SUGCT: variants seen among roughly 807,000 people sequenced by gnomAD.
The protein encoded by SUGCT is succinyl-CoA:glutarate-CoA transferase, also known as succinyl-CoA:glutarate CoA-transferase.
A neutral mutation model predicts 55.0 loss-of-function variants in SUGCT; 41 were observed. The observed-to-expected ratio is 0.74, with a 90% CI of 0.58 to 0.97. The LOEUF (loss-of-function observed/expected upper bound fraction) is 0.97. SUGCT is among the 50% of genes least tolerant of loss of function. The probability of loss-of-function intolerance (pLI) is 0.00; values close to 1 mark genes in which losing one functional copy is unlikely to be tolerated. For synonymous variants in SUGCT, 187 were observed against 200.4 expected (o/e 0.93, Z 0.56); for missense variants, 568 against 547.8 (o/e 1.04, Z -0.37).
chr7:40,655,519 T>G (rs1363774394), intron 12 of SUGCT, among the ~76,000 whole-genome samples: 3 of 152,196 alleles, frequency 2.0e-5, no homozygotes, highest in Admixed American at 6.5e-5. Context: ...AAGTTTTACT[T>G]TGCAAACTTG....
intron 12 of SUGCT, among the ~76,000 whole-genome samples, chr7:40,712,296 C>T (rs893546772): frequency 6.6e-6 from 1 of 152,218 alleles, no homozygotes; most frequent in African/African-American, 2.4e-5. Context: ...AAAAATATAA[C>T]CTACCTCCTC....
intron 8 of SUGCT, among the ~76,000 whole-genome samples, chr7:40,308,641 CTCTT>C: frequency 6.6e-6 from 1 of 152,130 alleles, no homozygotes; most frequent in East Asian, 1.9e-4. Context: ...TCCAATGGCT[CTCTT>C]TCTGTTCTTC....
intron 12 of SUGCT, among the ~76,000 whole-genome samples, chr7:40,664,804 C>A (rs1029644733): frequency 2.0e-4 from 30 of 151,782 alleles, no homozygotes; most frequent in African/African-American, 7.2e-4. Flanking sequence ...CACGGTGAAA[C>A]CCCGTCTCTA....
chr7:40,719,443 T>C (rs752787159), intron 12 of SUGCT, among the ~76,000 whole-genome samples: 1 of 152,176 alleles, frequency 6.6e-6, no homozygotes. Context: ...TGTTCCCACA[T>C]TGGATTCTTT....
intron 13 of SUGCT, among the ~76,000 whole-genome samples, chr7:40,821,974 CA>C (rs1466558524): frequency 6.6e-6 from 1 of 152,168 alleles, no homozygotes; most frequent in East Asian, 1.9e-4. Flanking sequence ...TCTGTGTTCT[CA>C]TTGGTTTCAA....
At chr7:40,945,114 G>C in the SUGCT span, among the ~76,000 whole-genome samples, 1 of 152,198 alleles carries the variant, frequency 6.6e-6, no homozygotes, top group East Asian at 1.9e-4. Context: ...AACAAGCTGT[G>C]GCTAAAACAG....
At chr7:40,545,821 G>T (rs1353956750) in intron 12 of SUGCT, among the ~76,000 whole-genome samples, 3 of 152,074 alleles carry the variant, frequency 2.0e-5, no homozygotes. Flanking sequence ...ATTTGACTTT[G>T]GAAATACCCA....
chr7:40,377,185 TC>T (rs1290735668), intron 9 of SUGCT, among the ~76,000 whole-genome samples: 4 of 14,996 alleles, frequency 2.7e-4, no homozygotes, highest in South Asian at 6.3e-3. Context: ...TTTCTTTCTT[TC>T]TTTCTTTCTT....
intron 13 of SUGCT, among the ~76,000 whole-genome samples, chr7:40,826,459 CA>C (rs1792316064): frequency 6.6e-6 from 1 of 152,116 alleles, no homozygotes; most frequent in East Asian, 1.9e-4. Context: ...ATGAATCAGG[CA>C]GAGAACAGCT....
chr7:40,474,055 G>T (rs1368311867), intron 11 of SUGCT, among the ~76,000 whole-genome samples: 1 of 152,044 alleles, frequency 6.6e-6, no homozygotes, highest in East Asian at 1.9e-4. Context: ...ATGTCAAGCT[G>T]TAGTTTAGCT....
chr7:40,310,285 G>A (rs963399028), intron 8 of SUGCT, among the ~76,000 whole-genome samples: 2 of 152,114 alleles, frequency 1.3e-5, no homozygotes, highest in African/African-American at 4.8e-5. Flanking sequence ...AATCCCAGTC[G>A]AGGAAAATTC....
At chr7:40,635,211 A>G (rs1799968468) in intron 12 of SUGCT, among the ~76,000 whole-genome samples, 1 of 152,106 alleles carries the variant, frequency 6.6e-6, no homozygotes, top group Non-Finnish European at 1.5e-5. Context: ...ACTTGAACCC[A>G]GGAGGCAAAG....
chr7:40,892,054 A>AG, the SUGCT span, among the ~76,000 whole-genome samples: 5 of 152,176 alleles, frequency 3.3e-5, no homozygotes, highest in Non-Finnish European at 7.3e-5. Flanking sequence ...ATAAAAATAT[A>AG]GTCAGACTCA....
chr7:40,316,378 G>A (rs1368596652), intron 8 of SUGCT, among the ~76,000 whole-genome samples: 2 of 151,958 alleles, frequency 1.3e-5, no homozygotes, highest in Admixed American at 6.6e-5. Context: ...GTGTTATCTT[G>A]GTGCAAAATA....
chr7:40,281,301 CTGAGATTGTGTTGAAGCA>C (rs1188680935), intron 8 of SUGCT, among the ~76,000 whole-genome samples: 2 of 152,138 alleles, frequency 1.3e-5, no homozygotes, highest in Non-Finnish European at 2.9e-5. Flanking sequence ...GAGCTGAAAG[CTGAGATTGTGTTGAAGCA>C]TGAGTATAGG....
chr7:40,965,435 C>T, the SUGCT span: 1 of 151,826 alleles, frequency 6.6e-6, no homozygotes, highest in Non-Finnish European at 1.5e-5. Flanking sequence ...TTAGTCTTAC[C>T]TTCGTCAATT....
the SUGCT span, among the ~76,000 whole-genome samples, chr7:41,028,959 A>G: frequency 6.3e-4 from 96 of 152,152 alleles, no homozygotes; most frequent in South Asian, 1.5e-3. Context: ...TCTCTAATAT[A>G]CCCCCAGAGA....
chr7:40,870,067 A>G, the SUGCT span, among the ~76,000 whole-genome samples: 4 of 152,200 alleles, frequency 2.6e-5, no homozygotes, highest in African/African-American at 9.6e-5. Context: ...TTGGGGAAAT[A>G]TTCTGAGACT....
chr7:40,951,920 G>A, the SUGCT span, among the ~76,000 whole-genome samples: 1 of 152,194 alleles, frequency 6.6e-6, no homozygotes, highest in Non-Finnish European at 1.5e-5. Context: ...TGAGAAGAAT[G>A]TATATTCTAT....
Sources: gnomAD v4.1 joint callset for allele counts (sites outside exome capture counted in the v4.1 genomes callset) on GRCh38, gnomAD v4.1.1 for gene constraint, MANE v1.5 for transcripts, NCBI Gene and HGNC (gene_info 2026-07-23, HGNC 2026-07-21) for gene names.